SPIRE1: variants seen among roughly 807,000 people sequenced by gnomAD.
SPIRE1 encodes spire type actin nucleation factor 1.
A neutral mutation model predicts 94.1 loss-of-function variants in SPIRE1; 40 were observed. The ratio of observed to expected loss-of-function variants is 0.43; its 90% CI spans 0.33 to 0.55. The LOEUF is 0.55. Among genes scored for constraint, SPIRE1 ranks in the 20% least tolerant of loss-of-function variants. SPIRE1 has a pLI of 0.06. For missense variants in SPIRE1, 838 were observed against 975.2 expected (o/e 0.86, Z 1.87); for synonymous variants, 376 against 371.7 (o/e 1.01, Z -0.13).
chr18:12,556,257 C>T (rs1006004460), intron 2 of SPIRE1, among the ~76,000 whole-genome samples: 8 of 151,898 alleles, frequency 5.3e-5, no homozygotes, highest in African/African-American at 1.7e-4. Context: ...AGATTCAATA[C>T]AATCCCTATA....
At chr18:12,469,191 T>A (rs1025313501) in intron 10 of SPIRE1, among the ~76,000 whole-genome samples, 6 of 152,180 alleles carry the variant, frequency 3.9e-5, no homozygotes, top group African/African-American at 1.4e-4. Context: ...TTTTGATTTT[T>A]AAAATCTTTT....
intron 16 of SPIRE1, among the ~76,000 whole-genome samples, chr18:12,451,464 T>C (rs1396857997): frequency 6.6e-6 from 1 of 152,202 alleles, no homozygotes; most frequent in Non-Finnish European, 1.5e-5. Context: ...GGGTAGTCTA[T>C]AGTATGTTCA....
rs536553672 is a variant in SPIRE1 at position 12,647,095 on chromosome 18, TCA to T, written c.337+10433_337+10434del. Among the ~76,000 whole-genome samples the T allele has an allele frequency of 2.2e-3, 334 of 149,024 alleles. 3 individuals carry two copies. Among genetic ancestry groups the T allele is most frequent in the Non-Finnish European group, 2.2e-3 (150 of 67,300 alleles). ...CAATTAGTATAAAAAGACCTAAGAGTCACAGTTTTCAGAAGCCAGCAGTTTGG... is the reference window on the plus strand; with the variant it reads ...CAATTAGTATAAAAAGACCTAAGAGTCAGTTTTCAGAAGCCAGCAGTTTGG... On this transcript the variant is annotated intron_variant, in intron 1 of 16. Transcript: ENST00000409402.
intron 2 of SPIRE1, among the ~76,000 whole-genome samples, chr18:12,607,744 AAC>A (rs1567964121): frequency 1.3e-5 from 2 of 152,208 alleles, no homozygotes; most frequent in Non-Finnish European, 2.9e-5. Context: ...GAATGTTTGT[AAC>A]ACACAGAAAT....
intron 2 of SPIRE1, among the ~76,000 whole-genome samples, chr18:12,626,049 C>A (rs35133917): frequency 0.13 from 16,219 of 128,938 alleles, 1,624 homozygotes; most frequent in South Asian, 0.35. Flanking sequence ...CCCGCCCCCC[C>A]CCAAAAAAAG....
intron 1 of SPIRE1, among the ~76,000 whole-genome samples, chr18:12,644,436 C>G (rs2038168632): frequency 1.3e-5 from 2 of 151,796 alleles, no homozygotes; most frequent in Non-Finnish European, 2.9e-5. Flanking sequence ...TCCTATACTC[C>G]CCAAAGGATT....
intron 2 of SPIRE1, among the ~76,000 whole-genome samples, chr18:12,576,843 T>C (rs1232914004): frequency 7.1e-6 from 1 of 140,790 alleles, no homozygotes; most frequent in African/African-American, 2.6e-5. Flanking sequence ...GAGCCGAGAT[T>C]GCGCCACTGC....
chr18:12,651,226 C>T (rs2038370711), intron 1 of SPIRE1, among the ~76,000 whole-genome samples: 1 of 152,164 alleles, frequency 6.6e-6, no homozygotes, highest in African/African-American at 2.4e-5. Flanking sequence ...TTATCTATTA[C>T]TGTAACTGAT....
chr18:12,554,930 C>A (rs2035456718), intron 2 of SPIRE1, among the ~76,000 whole-genome samples: 1 of 152,122 alleles, frequency 6.6e-6, no homozygotes, highest in African/African-American at 2.4e-5. Flanking sequence ...CATCAGGCCT[C>A]CCAGAGTATG....
chr18:12,552,447 T>C (rs538290065), intron 2 of SPIRE1, among the ~76,000 whole-genome samples: 5 of 152,238 alleles, frequency 3.3e-5, no homozygotes, highest in Middle Eastern at 3.4e-3. Context: ...GGATACCAGC[T>C]TCAGCCACAG....
intron 2 of SPIRE1, among the ~76,000 whole-genome samples, chr18:12,603,916 G>A (rs1331840575): frequency 2.6e-5 from 4 of 152,028 alleles, no homozygotes; most frequent in Non-Finnish European, 4.4e-5. Flanking sequence ...CCAACATAAC[G>A]AAGCTTCCCT....
At chr18:12,578,223 T>C (rs2036162692) in intron 2 of SPIRE1, among the ~76,000 whole-genome samples, 1 of 152,176 alleles carries the variant, frequency 6.6e-6, no homozygotes, top group Non-Finnish European at 1.5e-5. Flanking sequence ...ATAAAAAGCA[T>C]ATATCCATAA....
chr18:12,511,903 A>AT (rs912577135), intron 5 of SPIRE1, among the ~76,000 whole-genome samples: 3 of 151,632 alleles, frequency 2.0e-5, no homozygotes, highest in Admixed American at 6.6e-5. Context: ...TTTTTATTTT[A>AT]TTTTTTAATA....
intron 3 of SPIRE1, among the ~76,000 whole-genome samples, chr18:12,540,439 G>A (rs1275934277): frequency 6.6e-6 from 1 of 152,002 alleles, no homozygotes; most frequent in Non-Finnish European, 1.5e-5. Flanking sequence ...GAAGTGTTGC[G>A]ATCTTGGCTC....
intron 2 of SPIRE1, among the ~76,000 whole-genome samples, chr18:12,549,544 C>T (rs1033949438): frequency 5.4e-5 from 8 of 147,064 alleles, no homozygotes; most frequent in East Asian, 2.0e-4. Flanking sequence ...CTCCACCTCC[C>T]GGGTTCAAGG....
chr18:12,607,257 C>A (rs892767055), intron 2 of SPIRE1, among the ~76,000 whole-genome samples: 4 of 152,134 alleles, frequency 2.6e-5, no homozygotes, highest in African/African-American at 9.7e-5. Flanking sequence ...TGCTAAATTT[C>A]CCTTGTATCT....
intron 10 of SPIRE1, among the ~76,000 whole-genome samples, chr18:12,467,458 CAGA>C (rs1265037019): frequency 6.6e-6 from 1 of 152,176 alleles, no homozygotes; most frequent in African/African-American, 2.4e-5. Context: ...TTTCTGTTTA[CAGA>C]AGGTCAGACA....
chr18:12,456,578 G>C (rs577115487), intron 12 of SPIRE1, among the ~76,000 whole-genome samples: 11 of 152,200 alleles, frequency 7.2e-5, no homozygotes, highest in Non-Finnish European at 1.6e-4. Flanking sequence ...TAACCAGATA[G>C]CCAGATTTGT....
Position 12,657,688 on chromosome 18 carries a change from G to A in SPIRE1, c.179C>T (p.Ala60Val). 1 of 1,403,396 alleles carries A rather than the reference G, an allele frequency of 7.1e-7. No individual in the cohort carries two copies. The highest frequency in any genetic ancestry group is 9.3e-7 in the Non-Finnish European group (1 of 1,072,104). The allele number at this position is 1,403,396 out of a possible 1,614,324, so 86.9% of individuals were successfully genotyped here. A position where few individuals can be genotyped will look rare whatever the true frequency, so the allele number is the denominator to read the frequency against. ...NQPINEEQAW[A>V]VCYQCCGSLR... ...GGAACCGCAGCACTGGTAGCACACG[G>A]CCCACGCCTGCTCCTCGTTGATGGG... is the stretch of plus-strand genomic sequence containing the variant. Residue 60 changes from alanine (A) to valine (V), a missense_variant, in exon 1 of 17, where the codon GCC becomes GTC. Around this residue, in one of 2 missense-constraint regions of SPIRE1, gnomAD observed 193 missense variants for 170.5 expected, o/e 1.13. Transcript: ENST00000409402.
Sources: allele counts gnomAD v4.1 joint callset (sites outside exome capture counted in the v4.1 genomes callset), GRCh38; gene constraint gnomAD v4.1.1; regional missense constraint gnomAD v4.1.1; transcripts MANE v1.5; gene names NCBI Gene and HGNC (gene_info 2026-07-23, HGNC 2026-07-21).